Variants in ANKFN1 observed in about 807,000 individuals in gnomAD.
The protein encoded by ANKFN1 is ankyrin repeat and fibronectin type III domain containing 1, also known as ankyrin repeat and fibronectin type-III domain-containing protein 1.
Under a neutral mutation model 108.7 loss-of-function variants are expected in ANKFN1, and 74 were observed. The observed-to-expected ratio is 0.68, with a 90% CI of 0.56 to 0.83. ANKFN1 has a LOEUF of 0.83. Ranked by LOEUF, ANKFN1 falls within the 40% of genes least tolerant of loss-of-function variation. The probability of loss-of-function intolerance (pLI) is 0.00; values close to 1 mark genes in which losing one functional copy is unlikely to be tolerated. For synonymous variants in ANKFN1, 547 were observed against 516.2 expected, an observed-to-expected ratio of 1.06 and a Z score of -0.81; for missense variants, 1,505 against 1,382.3, an observed-to-expected ratio of 1.09 and a Z score of -1.41.
intron 10 of ANKFN1, among the ~76,000 whole-genome samples, chr17:56,444,001 T>C (rs1213265040): frequency 6.6e-6 from 1 of 152,216 alleles, no homozygotes; most frequent in Non-Finnish European, 1.5e-5. Flanking sequence ...ACTCCATAAT[T>C]CTACGTCTAG....
chr17:56,374,613 T>C lies in ANKFN1; in HGVS notation c.809T>C (p.Met270Thr), dbSNP rs751107378. The C allele has an allele frequency of 2.5e-6, 4 of 1,613,800 alleles. No homozygotes were observed. The highest frequency in any genetic ancestry group is 3.4e-6 in the Non-Finnish European group (4 of 1,179,748). The change falls in exon 8 of 21, where the codon ATG (methionine) becomes ACG (threonine). Residue 270 changes from methionine to threonine, a missense_variant. Coordinates refer to ENST00000682825, the MANE Select transcript of ANKFN1 (RefSeq NM_001370326.1). ...TGFEHARAPE[M>T]PTNVCLMVTS... is the part of the protein sequence containing the mutation. ...CCTTCTGTCCCAGGAGCCCCTGAGA[T>C]GCCAACCAATGTCTGTCTCATGGTA... is the stretch of plus-strand genomic sequence containing the variant.
chr17:56,310,566 G>A (rs974332551), intron 3 of ANKFN1, among the ~76,000 whole-genome samples: 1 of 150,928 alleles, frequency 6.6e-6, no homozygotes, highest in Non-Finnish European at 1.5e-5. Context: ...GCAGTGAGCC[G>A]AGATCGAGCC....
In ANKFN1 at chr17:56,420,856, C is replaced by T. The variant is rs930507519; in HGVS notation, c.911-19471C>T. On this transcript the variant is annotated intron_variant, in intron 8 of 20. Transcript: ENST00000682825. Reference sequence around the variant, plus strand: ...CCAAGTAGCTGGGACTACAGGCGCCCGCCACCGCGCCCGGCTAATTTTTTT... The same window carrying T: ...CCAAGTAGCTGGGACTACAGGCGCCTGCCACCGCGCCCGGCTAATTTTTTT... Among the ~76,000 whole-genome samples, 62 of 152,024 alleles carry T rather than the reference C, an allele frequency of 4.1e-4. 1 individual carries two copies. The highest frequency in any genetic ancestry group is 1.2e-3 in the Admixed American group (19 of 15,280).
intron 8 of ANKFN1, among the ~76,000 whole-genome samples, chr17:56,407,931 C>CT (rs761975892): frequency 0.52 from 54,746 of 104,414 alleles, 16,312 homozygotes; most frequent in East Asian, 0.76. Context: ...TCTTTTTTAT[C>CT]TTTTTTTTTT....
chr17:56,487,190 T>C (rs1325992686), intron 18 of ANKFN1, among the ~76,000 whole-genome samples: 1 of 152,118 alleles, frequency 6.6e-6, no homozygotes, highest in Non-Finnish European at 1.5e-5. Flanking sequence ...TCACCAAAAA[T>C]CCACTCCTCT....
intron 4 of ANKFN1, among the ~76,000 whole-genome samples, chr17:56,106,650 G>C (rs1023922112): frequency 1.3e-5 from 2 of 152,128 alleles, no homozygotes; most frequent in Admixed American, 6.5e-5. Context: ...ATGTTGGCAA[G>C]TATTTACCTT....
intron 1 of ANKFN1, among the ~76,000 whole-genome samples, chr17:56,176,714 T>C (rs188150885): frequency 6.6e-6 from 1 of 152,306 alleles, no homozygotes; most frequent in East Asian, 1.9e-4. Flanking sequence ...CTGTCTTGTA[T>C]GTAGGAAAAC....
intron 1 of ANKFN1, among the ~76,000 whole-genome samples, chr17:56,189,762 G>A (rs1014179048): frequency 6.6e-6 from 1 of 152,180 alleles, no homozygotes; most frequent in Non-Finnish European, 1.5e-5. Context: ...AGGGGGCTAT[G>A]ATTCAGCCTA....
intron 18 of ANKFN1, 97 bp downstream of exon 18, chr17:56,482,621 A>G (rs1568039340): frequency 2.1e-6 from 3 of 1,404,656 alleles, no homozygotes; most frequent in Non-Finnish European, 1.9e-6. Flanking sequence ...TGGAGGGTCA[A>G]TAAATCACAT....
intron 4 of ANKFN1, among the ~76,000 whole-genome samples, chr17:56,082,623 G>A (rs1905262219): frequency 6.6e-6 from 1 of 152,176 alleles, no homozygotes; most frequent in Admixed American, 6.5e-5. Context: ...AAAAACTGGT[G>A]CCTCGTTTGT....
At chr17:56,088,806 T>C (rs1905360799) in intron 4 of ANKFN1, among the ~76,000 whole-genome samples, 1 of 151,400 alleles carries the variant, frequency 6.6e-6, no homozygotes, top group African/African-American at 2.4e-5. Context: ...AGAAGAGGAA[T>C]GATAACCTCT....
At chr17:56,459,512 A>C (rs1304551005) in intron 14 of ANKFN1, among the ~76,000 whole-genome samples, 1 of 152,158 alleles carries the variant, frequency 6.6e-6, no homozygotes, top group Non-Finnish European at 1.5e-5. Context: ...TCGTCCTTTC[A>C]TCACTGACCC....
chr17:56,154,129 T>C (rs891333487), intron 1 of ANKFN1, among the ~76,000 whole-genome samples: 10 of 152,098 alleles, frequency 6.6e-5, no homozygotes, highest in Admixed American at 6.5e-4. Flanking sequence ...GTGTCGGTGG[T>C]ATCGGAATCC....
intron 4 of ANKFN1, among the ~76,000 whole-genome samples, chr17:56,104,680 T>G (rs953173405): frequency 6.6e-6 from 1 of 152,194 alleles, no homozygotes; most frequent in Non-Finnish European, 1.5e-5. Context: ...ACAAGACAGA[T>G]AGCAGTGCTG....
rs746883576 is a variant in ANKFN1, at chr17:56,326,201, G to A, written c.54-20G>A. 8 of 1,599,902 alleles carry A rather than the reference G, an allele frequency of 5.0e-6. No homozygotes were observed. The Admixed American group carries it at 8.8e-5, about 18-fold the overall frequency. On this transcript the variant is annotated intron_variant, in intron 3 of 20. Coordinates refer to ENST00000682825, the MANE Select transcript of ANKFN1 (RefSeq NM_001370326.1). ...GCTCTTGCCTGTAGTGATCCTGTTC[G>A]CATTTTATTCTTTACACAGAATAGG...
At chr17:56,108,342 C>G (rs1200597944) in intron 4 of ANKFN1, among the ~76,000 whole-genome samples, 1 of 152,182 alleles carries the variant, frequency 6.6e-6, no homozygotes, top group Admixed American at 6.6e-5. Context: ...CCTCCCATAG[C>G]ACTTTCATTA....
intron 4 of ANKFN1, among the ~76,000 whole-genome samples, chr17:56,344,391 C>T (rs2046041628): frequency 6.6e-6 from 1 of 151,982 alleles, no homozygotes; most frequent in African/African-American, 2.4e-5. Flanking sequence ...TGCTGAAGAG[C>T]TCTGCATGTG....
chr17:56,422,657 T>C (rs2048449109), intron 8 of ANKFN1, among the ~76,000 whole-genome samples: 1 of 152,182 alleles, frequency 6.6e-6, no homozygotes, highest in African/African-American at 2.4e-5. Flanking sequence ...AGCCTTCAGA[T>C]GAGGATGATG....
chr17:56,275,787 A>G (rs2043913590), intron 3 of ANKFN1, among the ~76,000 whole-genome samples: 3 of 152,214 alleles, frequency 2.0e-5, no homozygotes, highest in South Asian at 2.1e-4. Flanking sequence ...GACAGAAGGC[A>G]GGAAAGACAG....
Sources: gnomAD v4.1 joint callset for allele counts (sites outside exome capture counted in the v4.1 genomes callset) on GRCh38, gnomAD v4.1.1 for gene constraint, MANE v1.5 for transcripts, NCBI Gene and HGNC (gene_info 2026-07-23, HGNC 2026-07-21) for gene names.